The following GRIK1 variants were observed in gnomAD, a reference collection of about 807,000 sequenced individuals.
GRIK1 encodes glutamate ionotropic receptor kainate type subunit 1.
In GRIK1, 69 loss-of-function variants were observed where a neutral mutation model predicts 105.7. The observed-to-expected ratio is 0.65, with a 90% CI of 0.54 to 0.80. GRIK1 has a LOEUF of 0.80. Ranked by LOEUF, GRIK1 falls within the 30% of genes least tolerant of loss-of-function variation. The pLI is 0.00. For synonymous variants in GRIK1, 438 were observed against 431.3 expected (o/e 1.02, Z -0.19); for missense variants, 1,109 against 1,167.3 (o/e 0.95, Z 0.73).
intron 1 of GRIK1, among the ~76,000 whole-genome samples, chr21:29,750,207 C>G (rs1435365425): frequency 1.3e-5 from 2 of 151,180 alleles, no homozygotes; most frequent in South Asian, 4.2e-4. Flanking sequence ...TCCTTCTCTC[C>G]CTTCCTTCTC....
At chr21:29,830,708 A>G (rs2067608080) in intron 1 of GRIK1, among the ~76,000 whole-genome samples, 1 of 152,150 alleles carries the variant, frequency 6.6e-6, no homozygotes, top group Admixed American at 6.6e-5. Context: ...CATTTAATGA[A>G]TAAAATTCAT....
intron 1 of GRIK1, among the ~76,000 whole-genome samples, chr21:29,755,745 A>C (rs2065321190): frequency 1.3e-5 from 2 of 152,186 alleles, no homozygotes. Flanking sequence ...TAGGGCAAGG[A>C]ATCTGAAAAC....
chr21:29,570,200 T>C (rs1053243867), intron 14 of GRIK1, among the ~76,000 whole-genome samples: 1 of 152,128 alleles, frequency 6.6e-6, no homozygotes, highest in Non-Finnish European at 1.5e-5. Flanking sequence ...AGAGGGATTT[T>C]ATTAAAAATT....
At chr21:29,609,351 C>T (rs2061682842) in intron 7 of GRIK1, among the ~76,000 whole-genome samples, 1 of 152,060 alleles carries the variant, frequency 6.6e-6, no homozygotes, top group Non-Finnish European at 1.5e-5. Flanking sequence ...TGTATAAAAT[C>T]AATACAAATT....
intron 15 of GRIK1, among the ~76,000 whole-genome samples, chr21:29,559,209 G>A (rs2090332672): frequency 6.6e-6 from 1 of 152,142 alleles, no homozygotes; most frequent in African/African-American, 2.4e-5. Context: ...TACTCTTGGT[G>A]TTCTCATCTG....
chr21:29,935,287 A>C (rs1048514123), intron 1 of GRIK1, among the ~76,000 whole-genome samples: 1 of 152,260 alleles, frequency 6.6e-6, no homozygotes, highest in African/African-American at 2.4e-5. Flanking sequence ...GATGAAAAAC[A>C]TCAGCAGTAT....
At chr21:29,647,711 T>A (rs1023062622) in intron 6 of GRIK1, among the ~76,000 whole-genome samples, 12 of 152,090 alleles carry the variant, frequency 7.9e-5, no homozygotes, top group African/African-American at 2.9e-4. Context: ...AGCTGAAAGG[T>A]CGAATCAGCC....
intron 1 of GRIK1, among the ~76,000 whole-genome samples, chr21:29,904,320 G>A (rs375517038): frequency 1.3e-5 from 2 of 149,030 alleles, no homozygotes; most frequent in Non-Finnish European, 1.5e-5. Context: ...TTTTTTTTGG[G>A]AAAAAAAAGG....
intron 3 of GRIK1, among the ~76,000 whole-genome samples, chr21:29,686,383 T>C (rs1325187040): frequency 9.2e-5 from 14 of 151,594 alleles, no homozygotes; most frequent in Non-Finnish European, 1.2e-4. Context: ...GACTGACACG[T>C]ATTGATGAGG....
intron 1 of GRIK1, among the ~76,000 whole-genome samples, chr21:29,895,342 G>C (rs1348480469): frequency 6.6e-6 from 1 of 152,130 alleles, no homozygotes; most frequent in Non-Finnish European, 1.5e-5. Context: ...CATGTGGATA[G>C]GGAGATCTCG....
chr21:29,581,077 C>T (rs904363577), intron 13 of GRIK1, among the ~76,000 whole-genome samples: 3 of 152,094 alleles, frequency 2.0e-5, no homozygotes, highest in Non-Finnish European at 2.9e-5. Flanking sequence ...AGATCCCGCT[C>T]CTTTAAACTG....
At chr21:29,695,851 C>CTAA (rs1185091682) in intron 1 of GRIK1, among the ~76,000 whole-genome samples, 1 of 152,052 alleles carries the variant, frequency 6.6e-6, no homozygotes, top group Non-Finnish European at 1.5e-5. Context: ...CCTAACTTGT[C>CTAA]TATGCTAGGT....
At chr21:29,900,934 CTG>C (rs2070383067) in intron 1 of GRIK1, among the ~76,000 whole-genome samples, 1 of 152,178 alleles carries the variant, frequency 6.6e-6, no homozygotes, top group African/African-American at 2.4e-5. Flanking sequence ...TCACAACAAA[CTG>C]TCTCTCAGAC....
intron 1 of GRIK1, among the ~76,000 whole-genome samples, chr21:29,844,145 A>G (rs1601833497): frequency 6.6e-6 from 1 of 152,092 alleles, no homozygotes; most frequent in East Asian, 1.9e-4. Context: ...TATCTTTGTC[A>G]TTGCATTTTT....
At chr21:29,618,919 A>C (rs1790356642) in intron 7 of GRIK1, among the ~76,000 whole-genome samples, 1 of 151,994 alleles carries the variant, frequency 6.6e-6, no homozygotes, top group South Asian at 2.1e-4. Context: ...CGAGGTCAGG[A>C]GATCAAGACA....
At position 29,756,680 on chromosome 21, in the gene GRIK1, T is replaced by TAAAAACA. The variant is rs759070584; in HGVS notation, c.119-62624_119-62618dup. ...TCAAGACAGAGGAAATCCTTACTAT[T>TAAAAACA]AAAAACAAAAAACAAAAAACAAAAA... On this transcript the variant is annotated intron_variant, in intron 1 of 17. Transcript: ENST00000327783. 7.3e-5 allele frequency among the ~76,000 whole-genome samples: 11 copies of TAAAAACA among 150,456 alleles called. No individual in the cohort carries two copies. In the East Asian group the frequency reaches 7.7e-4, roughly 11 times the overall value.
intron 16 of GRIK1, among the ~76,000 whole-genome samples, chr21:29,548,656 C>T (rs776436203): frequency 6.6e-6 from 1 of 152,136 alleles, no homozygotes; most frequent in Non-Finnish European, 1.5e-5. Flanking sequence ...GTATAAGGGT[C>T]ATGTGCTTGG....
chr21:29,927,537 G>A (rs2146345764), intron 1 of GRIK1, among the ~76,000 whole-genome samples: 1 of 149,924 alleles, frequency 6.7e-6, no homozygotes, highest in Middle Eastern at 3.5e-3. Context: ...AATAAATGCA[G>A]CCATATACAC....
intron 15 of GRIK1, among the ~76,000 whole-genome samples, chr21:29,560,400 C>CCTTCCTTCCTTCCTTTCTTTCTTT (rs1491373479): frequency 1.3e-4 from 9 of 67,120 alleles, no homozygotes; most frequent in African/African-American, 5.6e-4. Flanking sequence ...TTCCTTCCTT[C>CCTTCCTTCCTTCCTTTCTTTCTTT]CTTTCTTTCT....
Sources: gnomAD v4.1 joint callset for allele counts (sites outside exome capture counted in the v4.1 genomes callset) on GRCh38, gnomAD v4.1.1 for gene constraint, MANE v1.5 for transcripts, NCBI Gene and HGNC (gene_info 2026-07-23, HGNC 2026-07-21) for gene names.